Variants in PIGF observed in about 807,000 individuals in gnomAD.
PIGF encodes phosphatidylinositol glycan anchor biosynthesis class F, also known as GPI ethanolamine phosphate transferase, stabilizing subunit.
PIGF carries 23 observed loss-of-function variants against 26.0 expected under a neutral mutation model. The ratio of observed to expected loss-of-function variants is 0.88; its 90% CI spans 0.64 to 1.25. The LOEUF (loss-of-function observed/expected upper bound fraction) is 1.25, where lower values mean the gene tolerates loss of function less well. Ranked by LOEUF, PIGF falls within the 50% of genes most tolerant of loss-of-function variation. The probability of loss-of-function intolerance (pLI) is 0.00; values close to 1 mark genes in which losing one functional copy is unlikely to be tolerated. For synonymous variants in PIGF, 93 were observed against 92.6 expected, an observed-to-expected ratio of 1.00 and a Z score of -0.03; for missense variants, 278 against 249.9, an observed-to-expected ratio of 1.11 and a Z score of -0.76.
chr2:46,608,391 G>A (rs1243757155), intron 4 of PIGF, among the ~76,000 whole-genome samples: 1 of 152,100 alleles, frequency 6.6e-6, no homozygotes, highest in African/African-American at 2.4e-5. Flanking sequence ...CATCTGCAGT[G>A]GTTTCCTCCA....
chr2:46,616,952 G>T lies in PIGF; in HGVS notation c.-22+18C>A. Reference sequence around the variant, plus strand: ...CACCTCGTGAGGCGAGACGCCGAGGGCGTCCAGCGGGGCTTACCTAACTCT... The same window carrying T: ...CACCTCGTGAGGCGAGACGCCGAGGTCGTCCAGCGGGGCTTACCTAACTCT... On this transcript the variant is annotated intron_variant, in intron 1 of 5. Transcript: ENST00000281382. The T allele has an allele frequency of 2.0e-6, 1 of 492,810 alleles. No homozygotes were observed. Among genetic ancestry groups the T allele is most frequent in the Non-Finnish European group, 3.7e-6 (1 of 272,572 alleles). The allele number at this position is 492,810 out of a possible 1,614,324, so 30.5% of individuals were successfully genotyped here.
At chr2:46,602,070 C>A (rs1670077014) in intron 4 of PIGF, among the ~76,000 whole-genome samples, 1 of 151,722 alleles carries the variant, frequency 6.6e-6, no homozygotes, top group Non-Finnish European at 1.5e-5. Context: ...AATGCAATAA[C>A]TGAATTAAAT....
intron 4 of PIGF, among the ~76,000 whole-genome samples, chr2:46,599,755 A>G (rs1388403155): frequency 6.6e-6 from 1 of 151,072 alleles, no homozygotes; most frequent in Non-Finnish European, 1.5e-5. Flanking sequence ...TTTTTTGTTT[A>G]TTTTTGCTTC....
chr2:46,585,084 T>C, intron 5 of PIGF, among the ~76,000 whole-genome samples: 1 of 152,286 alleles, frequency 6.6e-6, no homozygotes, highest in East Asian at 1.9e-4. Context: ...TAGGATTTTT[T>C]AAAAAAGTGA....
intron 4 of PIGF, among the ~76,000 whole-genome samples, chr2:46,603,326 C>T (rs1670118400): frequency 6.6e-6 from 1 of 152,008 alleles, no homozygotes; most frequent in South Asian, 2.1e-4. Context: ...TATCAAAATA[C>T]CAACACTATT....
Position 46,588,234 on chromosome 2 carries a change from CATAACTAAATACCAGAGAAATAG to C in PIGF, c.546+4218_546+4240del. The C allele has an allele frequency of 6.3e-7, 1 of 1,598,218 alleles. No individual in the cohort carries two copies. The highest frequency in any genetic ancestry group is 8.5e-7 in the Non-Finnish European group (1 of 1,173,494). ...GTGAAATCCAAATACCCTAAATTGGCATAACTAAATACCAGAGAAATAGATAAATTAACAGTCCACTCTACCAA... is the reference window on the plus strand; with the variant it reads ...GTGAAATCCAAATACCCTAAATTGGCATAAATTAACAGTCCACTCTACCAA... On this transcript the variant is annotated intron_variant, in intron 5 of 5. Coordinates refer to ENST00000281382, the MANE Select transcript of PIGF (RefSeq NM_002643.4). The surrounding 1 kb of genome is among the most constrained non-coding windows in gnomAD (Gnocchi z 4.1).
chr2:46,612,538 A>T (rs1016021167), intron 3 of PIGF, among the ~76,000 whole-genome samples, 194 bp from the exon 4 acceptor site: 1 of 152,174 alleles, frequency 6.6e-6, no homozygotes, highest in South Asian at 2.1e-4. Context: ...TCTAGCAAGT[A>T]TTTCGCTTTA....
intron 4 of PIGF, among the ~76,000 whole-genome samples, chr2:46,608,615 G>C (rs141699679): frequency 1.1e-4 from 16 of 152,232 alleles, no homozygotes; most frequent in African/African-American, 3.9e-4. Flanking sequence ...TGTTTCTTAA[G>C]TAATAAGACT....
At chr2:46,610,007 A>G (rs1446670200) in intron 4 of PIGF, among the ~76,000 whole-genome samples, 2 of 152,236 alleles carry the variant, frequency 1.3e-5, no homozygotes, top group Non-Finnish European at 2.9e-5. Flanking sequence ...ATCTGATCTG[A>G]GCAATATCTG....
At chr2:46,585,373 T>G (rs992726603) in intron 5 of PIGF, among the ~76,000 whole-genome samples, 1 of 152,040 alleles carries the variant, frequency 6.6e-6, no homozygotes, top group African/African-American at 2.4e-5. Context: ...ATCAAATATA[T>G]TACAACTCAA....
Position 46,588,051 on chromosome 2 carries a change from G to C in PIGF, c.546+4424C>G. On this transcript the variant is annotated intron_variant, in intron 5 of 5. Coordinates refer to ENST00000281382, the MANE Select transcript of PIGF (RefSeq NM_002643.4). The surrounding 1 kb of genome is among the most constrained non-coding windows in gnomAD (Gnocchi z 4.1). ...CCCTCTCACACTTGGACTTTCTAGTGTATAAAATGGGAGTAAAACCTACCT... is the reference window on the plus strand; with the variant it reads ...CCCTCTCACACTTGGACTTTCTAGTCTATAAAATGGGAGTAAAACCTACCT... 1 of 1,532,940 alleles carries C rather than the reference G, an allele frequency of 6.5e-7. No individual in the cohort carries two copies. Among genetic ancestry groups the C allele is most frequent in the Non-Finnish European group, 8.8e-7 (1 of 1,139,504 alleles). 95.0% of individuals were successfully genotyped at this position (1,532,940 alleles called of 1,614,324 possible).
chr2:46,602,303 C>T (rs1046990156), intron 4 of PIGF, among the ~76,000 whole-genome samples: 9 of 151,882 alleles, frequency 5.9e-5, no homozygotes, highest in Non-Finnish European at 1.0e-4. Flanking sequence ...TGATCCTTAA[C>T]TTGTAGGATG....
chr2:46,583,988 A>G (rs1669487498), intron 5 of PIGF, among the ~76,000 whole-genome samples: 1 of 152,212 alleles, frequency 6.6e-6, no homozygotes, highest in African/African-American at 2.4e-5. Context: ...TTATCTCCAC[A>G]GGTACATTTT....
At position 46,588,326 on chromosome 2, in the gene PIGF, C is replaced by T. The variant is rs775383701; in HGVS notation, c.546+4149G>A. ...GAAAAAATAAAACAACAAACTGAGA[C>T]AATTAACATATTCTCTAATATATGA... On this transcript the variant is annotated intron_variant, in intron 5 of 5. Coordinates refer to ENST00000281382, the MANE Select transcript of PIGF (RefSeq NM_002643.4). This position sits in a 1 kb window ranked among gnomAD's most constrained non-coding sequence, Gnocchi z 4.1. 5 of 1,028,876 alleles carry T rather than the reference C, an allele frequency of 4.9e-6. No homozygotes were observed. The Admixed American group carries it at 1.4e-4, about 28-fold the overall frequency. 63.7% of individuals were successfully genotyped at this position (1,028,876 alleles called of 1,614,324 possible).
intron 4 of PIGF, among the ~76,000 whole-genome samples, chr2:46,599,820 C>T (rs1669999891): frequency 6.6e-6 from 1 of 152,016 alleles, no homozygotes; most frequent in African/African-American, 2.4e-5. Context: ...ACCCCTTTTC[C>T]TTCTTCTATA....
intron 4 of PIGF, among the ~76,000 whole-genome samples, chr2:46,596,022 G>A (rs1482738525): frequency 6.6e-6 from 1 of 151,990 alleles, no homozygotes; most frequent in Admixed American, 6.6e-5. Context: ...AGACCAGCCT[G>A]GCCAACATGA....
intron 5 of PIGF, among the ~76,000 whole-genome samples, chr2:46,584,603 G>C (rs936658230): frequency 6.6e-6 from 1 of 152,082 alleles, no homozygotes; most frequent in Non-Finnish European, 1.5e-5. Context: ...GTTACGGCTT[G>C]GAACACTTGG....
At chr2:46,613,576 C>T in intron 3 of PIGF, 118 bp downstream of exon 3, 4 of 656,650 alleles carry the variant, frequency 6.1e-6, no homozygotes, top group South Asian at 2.2e-5. Context: ...TGTTGGTGTC[C>T]TTACTTGATC....
intron 4 of PIGF, among the ~76,000 whole-genome samples, chr2:46,595,977 C>G (rs1305879620): frequency 6.6e-6 from 1 of 152,038 alleles, no homozygotes; most frequent in African/African-American, 2.4e-5. Flanking sequence ...CACTTCAGGA[C>G]GCAGAGGCGG....
Sources: allele counts gnomAD v4.1 joint callset (sites outside exome capture counted in the v4.1 genomes callset), GRCh38; gene constraint gnomAD v4.1.1; non-coding constraint Gnocchi (gnomAD v3.1); transcripts MANE v1.5; gene names NCBI Gene and HGNC (gene_info 2026-07-23, HGNC 2026-07-21).